Variants in HCN1 observed in about 807,000 individuals in gnomAD.
HCN1 encodes potassium/sodium hyperpolarization-activated cyclic nucleotide-gated channel 1.
A neutral mutation model predicts 78.9 loss-of-function variants in HCN1; 13 were observed. That is an observed-to-expected ratio of 0.16 (90% CI 0.11 to 0.26). The LOEUF is 0.26. Ranked by LOEUF, HCN1 falls within the 10% of genes least tolerant of loss-of-function variation. The pLI is 1.00. For synonymous variants in HCN1, 552 were observed against 455.5 expected (o/e 1.21, Z -2.70); for missense variants, 810 against 1,154.3 (o/e 0.70, Z 4.32).
chr5:45,567,185 C>A (rs1173927138), intron 2 of HCN1, among the ~76,000 whole-genome samples: 2 of 151,732 alleles, frequency 1.3e-5, no homozygotes, highest in Non-Finnish European at 2.9e-5. Context: ...GAAATTTATT[C>A]ATCTGCCAGC....
intron 1 of HCN1, among the ~76,000 whole-genome samples, chr5:45,653,796 C>T (rs1195439717): frequency 6.6e-6 from 1 of 151,952 alleles, no homozygotes; most frequent in African/African-American, 2.4e-5. Context: ...GGACGGATAG[C>T]ATTGGGAGAT....
intron 6 of HCN1, among the ~76,000 whole-genome samples, chr5:45,302,682 C>T (rs1368729641): frequency 1.3e-5 from 2 of 151,438 alleles, no homozygotes; most frequent in Non-Finnish European, 2.9e-5. Context: ...TTGGCTGTGT[C>T]CCCATTCAAA....
In HCN1 at chr5:45,695,932, G is replaced by C; in HGVS notation, c.162C>G (p.Gly54=). The change falls in exon 1 of 8, where the codon GGC becomes GGG. Residue 54 remains glycine, a synonymous_variant. Transcript: ENST00000303230. The part of the protein sequence containing the change: ...GGGGAGAKEH[G]NSVCFKVDGG... ...CGTCCACCTTGAAGCACACGGAGTT[G>C]CCGTGCTCCTTCGCGCCGGCCCCGC... 1 of 1,431,096 alleles carries C rather than the reference G, an allele frequency of 7.0e-7. No individual in the cohort carries two copies. The highest frequency in any genetic ancestry group is 9.1e-7 in the Non-Finnish European group (1 of 1,102,108). 88.6% of individuals were successfully genotyped at this position (1,431,096 alleles called of 1,614,324 possible). A position where few individuals can be genotyped will look rare whatever the true frequency, so the allele number is the denominator to read the frequency against.
chr5:45,690,212 G>T (rs1240116072), intron 1 of HCN1, among the ~76,000 whole-genome samples: 1 of 152,010 alleles, frequency 6.6e-6, no homozygotes, highest in African/African-American at 2.4e-5. Context: ...CTAGTGACCT[G>T]AAAATAAAAT....
chr5:45,562,757 GA>G (rs777446378), intron 2 of HCN1, among the ~76,000 whole-genome samples: 1 of 151,880 alleles, frequency 6.6e-6, no homozygotes, highest in Admixed American at 6.6e-5. Context: ...ACGTCACTCA[GA>G]AAAAAAATTG....
At chr5:45,387,508 C>T (rs974594763) in intron 4 of HCN1, among the ~76,000 whole-genome samples, 20 of 151,782 alleles carry the variant, frequency 1.3e-4, no homozygotes, top group African/African-American at 4.6e-4. Context: ...AAAGAGGATA[C>T]ATTTAACTAA....
In HCN1 at chr5:45,374,104, T is replaced by C. The variant is rs1327138890; in HGVS notation, c.1231-20858A>G. ...CTATTACATATATGTATATAATATA[T>C]ATTATATACATAATATATATAATAT... On this transcript the variant is annotated intron_variant, in intron 4 of 7. Transcript: ENST00000303230. 4.4e-4 allele frequency among the ~76,000 whole-genome samples: 45 copies of C among 103,368 alleles called. No individual in the cohort carries two copies. The East Asian group carries it at 6.9e-3, about 16-fold the overall frequency. The allele number at this position is 103,368 out of a possible 152,430, so 67.8% of individuals were successfully genotyped here.
chr5:45,643,883 T>C (rs1188672914), intron 2 of HCN1: 1 of 152,182 alleles, frequency 6.6e-6, no homozygotes, highest in East Asian at 1.9e-4. Flanking sequence ...GAACTGAACA[T>C]TTATTCCATT....
chr5:45,372,223 ATATAATATATATTATATTTT>A (rs1224556544), intron 4 of HCN1, among the ~76,000 whole-genome samples: 9 of 75,756 alleles, frequency 1.2e-4, no homozygotes, highest in Admixed American at 5.1e-4. Flanking sequence ...AATATAATAT[ATATAATATATATTATATTTT>A]ATATATAATA....
intron 4 of HCN1, among the ~76,000 whole-genome samples, chr5:45,395,105 T>C (rs1739662026): frequency 6.6e-6 from 1 of 152,062 alleles, no homozygotes; most frequent in South Asian, 2.1e-4. Flanking sequence ...ACTGCAATCC[T>C]GGAAGTTAAA....
intron 1 of HCN1, among the ~76,000 whole-genome samples, chr5:45,655,684 C>T (rs778766657): frequency 1.3e-4 from 20 of 152,092 alleles, no homozygotes; most frequent in Non-Finnish European, 2.2e-4. Context: ...ATATAGAAGC[C>T]ACTGAGAGTT....
chr5:45,577,163 G>T (rs1181739034), intron 2 of HCN1, among the ~76,000 whole-genome samples: 1 of 151,958 alleles, frequency 6.6e-6, no homozygotes, highest in African/African-American at 2.4e-5. Context: ...AATATTGTTG[G>T]AGCTGAATAA....
chr5:45,479,772 C>T (rs1741608021), intron 2 of HCN1, among the ~76,000 whole-genome samples: 1 of 152,126 alleles, frequency 6.6e-6, no homozygotes, highest in Non-Finnish European at 1.5e-5. Context: ...TTGGAAATAT[C>T]CTGTAGGCAG....
At chr5:45,353,381 A>G (rs1258480119) in intron 4 of HCN1, 135 bp from the exon 5 acceptor site, 2 of 679,568 alleles carry the variant, frequency 2.9e-6, no homozygotes, top group Non-Finnish European at 5.0e-6. Context: ...AAGATGAAGG[A>G]ACTAATTTAC....
rs546473285 is a variant in HCN1, at chr5:45,396,651, C to A, written c.1071G>T (p.Leu357=). ...GGGCTTGGGCTCCATACCCAATGCA[C>A]AGCATGTGACTCATAGCTTTGAAGA... The part of the protein sequence containing the change: ...YALFKAMSHM[L]CIGYGAQAPV... The change falls in exon 4 of 8, where the codon CTG becomes CTT. Residue 357 remains leucine (L), a synonymous_variant. Transcript: ENST00000303230. 6.2e-7 allele frequency: 1 copy of A among 1,613,888 alleles called. No individual in the cohort carries two copies. The highest frequency in any genetic ancestry group is 2.2e-5 in the East Asian group (1 of 44,842).
At chr5:45,634,065 C>A (rs956353918) in intron 2 of HCN1, among the ~76,000 whole-genome samples, 2 of 151,866 alleles carry the variant, frequency 1.3e-5, no homozygotes, top group Non-Finnish European at 2.9e-5. Flanking sequence ...GGTAATAGGG[C>A]GGCAGGAAGA....
At chr5:45,314,685 GACAC>G (rs1745939596) in intron 5 of HCN1, among the ~76,000 whole-genome samples, 1 of 152,014 alleles carries the variant, frequency 6.6e-6, no homozygotes, top group Non-Finnish European at 1.5e-5. Context: ...CACATGCAGA[GACAC>G]ACAGGCTCAA....
chr5:45,265,986 G>A (rs1744848527), intron 7 of HCN1, among the ~76,000 whole-genome samples: 1 of 152,132 alleles, frequency 6.6e-6, no homozygotes, highest in Non-Finnish European at 1.5e-5. Flanking sequence ...TCTAAACAGA[G>A]AGAGGAAGGT....
chr5:45,411,360 T>G (rs1411749186), intron 3 of HCN1, among the ~76,000 whole-genome samples: 1 of 137,764 alleles, frequency 7.3e-6, no homozygotes, highest in Admixed American at 7.3e-5. Context: ...TTAACTTCTG[T>G]TTTTTTTTTT....
Sources: gnomAD v4.1 joint callset for allele counts (sites outside exome capture counted in the v4.1 genomes callset) on GRCh38, gnomAD v4.1.1 for gene constraint, MANE v1.5 for transcripts, NCBI Gene and HGNC (gene_info 2026-07-23, HGNC 2026-07-21) for gene names.